The following NRG1 variants were observed in gnomAD, a reference collection of about 807,000 sequenced individuals.
NRG1 encodes neuregulin 1, also known as pro-neuregulin-1, membrane-bound isoform.
Under a neutral mutation model 63.8 loss-of-function variants are expected in NRG1, and 18 were observed. The ratio of observed to expected loss-of-function variants is 0.28; its 90% CI spans 0.19 to 0.42. The LOEUF (loss-of-function observed/expected upper bound fraction) is 0.42, where lower values mean the gene tolerates loss of function less well. Among genes scored for constraint, NRG1 ranks in the 10% least tolerant of loss-of-function variants. The pLI, the probability that NRG1 is intolerant of heterozygous loss-of-function variation, is 1.00. For missense variants in NRG1, 762 were observed against 814.7 expected (o/e 0.94, Z 0.79); for synonymous variants, 302 against 301.3 (o/e 1.00, Z -0.02).
At chr8:31,795,953 C>T (rs939381263) in intron 1 of NRG1, among the ~76,000 whole-genome samples, 2 of 152,078 alleles carry the variant, frequency 1.3e-5, no homozygotes, top group East Asian at 1.9e-4. Context: ...TTTGGCGTAT[C>T]GTAGACACTC....
At chr8:32,529,524 C>T (rs1425452344) in intron 1 of NRG1, among the ~76,000 whole-genome samples, 2 of 152,150 alleles carry the variant, frequency 1.3e-5, no homozygotes, top group Non-Finnish European at 2.9e-5. Context: ...GTTATACTTA[C>T]TTTAAAACAC....
intron 1 of NRG1, among the ~76,000 whole-genome samples, chr8:32,374,192 T>C (rs1277751334): frequency 6.6e-6 from 1 of 152,180 alleles, no homozygotes; most frequent in Non-Finnish European, 1.5e-5. Context: ...GTGGAAATAG[T>C]GAGAAATACT....
intron 1 of NRG1, among the ~76,000 whole-genome samples, chr8:31,811,328 G>T (rs1822865258): frequency 6.6e-6 from 1 of 152,120 alleles, no homozygotes; most frequent in Non-Finnish European, 1.5e-5. Context: ...TGTGGGCTTT[G>T]ATTTCCTCTA....
intron 1 of NRG1, among the ~76,000 whole-genome samples, chr8:31,679,549 C>G (rs1280778177): frequency 6.6e-6 from 1 of 152,010 alleles, no homozygotes; most frequent in African/African-American, 2.4e-5. Context: ...ATTCATGGTA[C>G]AAAATCAGTG....
chr8:31,897,698 T>C (rs1831691763), intron 1 of NRG1, among the ~76,000 whole-genome samples: 1 of 152,092 alleles, frequency 6.6e-6, no homozygotes, highest in Non-Finnish European at 1.5e-5. Context: ...GACTATAACT[T>C]GACTCTTTCA....
chr8:32,356,699 G>A (rs540072806), intron 1 of NRG1, among the ~76,000 whole-genome samples: 25 of 152,302 alleles, frequency 1.6e-4, no homozygotes, highest in Admixed American at 1.3e-4. Context: ...TTCAGTGGTG[G>A]TTGACCATCA....
intron 1 of NRG1, among the ~76,000 whole-genome samples, chr8:31,868,146 T>TCACA (rs755924161): frequency 8.5e-4 from 99 of 115,876 alleles, no homozygotes; most frequent in South Asian, 3.1e-3. Flanking sequence ...CACATACATC[T>TCACA]TACACACACA....
At chr8:32,353,936 G>A (rs7009436) in intron 1 of NRG1, among the ~76,000 whole-genome samples, 78,094 of 152,102 alleles carry the variant, frequency 0.51, 21,059 homozygotes, top group Non-Finnish European at 0.61. Flanking sequence ...ATCAGCAGGT[G>A]AGCGGATAAA....
At chr8:31,771,393 G>A (rs1328428743) in intron 1 of NRG1, among the ~76,000 whole-genome samples, 1 of 151,912 alleles carries the variant, frequency 6.6e-6, no homozygotes, top group Non-Finnish European at 1.5e-5. Flanking sequence ...GGGCATTTGG[G>A]TTTTTTTCCC....
At chr8:32,475,546 T>G (rs1055131320) in intron 1 of NRG1, among the ~76,000 whole-genome samples, 1 of 151,994 alleles carries the variant, frequency 6.6e-6, no homozygotes, top group Admixed American at 6.6e-5. Context: ...TGTTTGTTTG[T>G]TTTTCAGAGA....
intron 1 of NRG1, among the ~76,000 whole-genome samples, chr8:32,594,448 T>G (rs1765124353): frequency 6.6e-6 from 1 of 152,146 alleles, no homozygotes; most frequent in Admixed American, 6.6e-5. Context: ...AGAGGAAAAT[T>G]TATTCATCTA....
intron 1 of NRG1, among the ~76,000 whole-genome samples, chr8:31,979,696 G>A (rs1247297900): frequency 6.6e-6 from 1 of 151,932 alleles, no homozygotes; most frequent in East Asian, 1.9e-4. Flanking sequence ...GACAAATATT[G>A]CCTCATATGC....
chr8:32,026,282 C>G (rs55938004), intron 1 of NRG1: 120,599 of 151,876 alleles, frequency 0.79, 53,818 homozygotes, highest in East Asian at 0.99. Context: ...CAAATGGATT[C>G]AGTGCTCACA....
chr8:32,586,585 T>C (rs1841657441), intron 1 of NRG1, among the ~76,000 whole-genome samples: 1 of 152,186 alleles, frequency 6.6e-6, no homozygotes, highest in Non-Finnish European at 1.5e-5. Flanking sequence ...TTTAATCTAC[T>C]GTCCTTCTCT....
At chr8:32,662,319 C>T (rs1169913621) in intron 5 of NRG1, among the ~76,000 whole-genome samples, 1 of 152,158 alleles carries the variant, frequency 6.6e-6, no homozygotes, top group Non-Finnish European at 1.5e-5. Context: ...ACTGCCCAGG[C>T]AGAAGGCCAG....
rs368356309 is a variant in NRG1, at chr8:32,143,833, A to G, written c.38-451995A>G. On this transcript the variant is annotated intron_variant, in intron 1 of 10. Transcript: ENST00000519301. ...GTGTGTGCTACCAGAAAATATGTAC[A>G]TGTTAGGCTCTTTGGAAGCAGTGGT... Among the ~76,000 whole-genome samples the G allele has an allele frequency of 1.2e-4, 19 of 152,346 alleles. No homozygotes were observed. In the East Asian group the frequency reaches 3.5e-3, roughly 28 times the overall value.
chr8:32,730,546 G>T (rs1007285903), intron 6 of NRG1, among the ~76,000 whole-genome samples: 1 of 152,142 alleles, frequency 6.6e-6, no homozygotes, highest in Non-Finnish European at 1.5e-5. Flanking sequence ...TATGTTTATT[G>T]TTTAAAAAAT....
At chr8:32,370,228 A>G (rs1248480594) in intron 1 of NRG1, among the ~76,000 whole-genome samples, 1 of 152,216 alleles carries the variant, frequency 6.6e-6, no homozygotes, top group East Asian at 1.9e-4. Context: ...AAGATTAGGG[A>G]AAATATTTTT....
intron 1 of NRG1, among the ~76,000 whole-genome samples, chr8:32,126,879 G>A (rs1834135476): frequency 6.6e-6 from 1 of 151,820 alleles, no homozygotes; most frequent in African/African-American, 2.4e-5. Context: ...AGCTGTAGAA[G>A]AGCTTCTCAA....
Sources: gnomAD v4.1 joint callset for allele counts (sites outside exome capture counted in the v4.1 genomes callset) on GRCh38, gnomAD v4.1.1 for gene constraint, MANE v1.5 for transcripts, NCBI Gene and HGNC (gene_info 2026-07-23, HGNC 2026-07-21) for gene names.